The following DLG2 variants were observed in gnomAD, a reference collection of about 807,000 sequenced individuals.
The protein encoded by DLG2 is discs large MAGUK scaffold protein 2, also known as disks large homolog 2.
DLG2 carries 45 observed loss-of-function variants against 132.5 expected under a neutral mutation model. The observed-to-expected ratio is 0.34, with a 90% CI of 0.27 to 0.44. The LOEUF is 0.44. DLG2 is among the 20% of genes least tolerant of loss of function. The pLI is 1.00. For synonymous variants in DLG2, 424 were observed against 419.6 expected (o/e 1.01, Z -0.13); for missense variants, 1,045 against 1,196.9 (o/e 0.87, Z 1.87).
chr11:84,046,688 C>G (rs2096249286), intron 11 of DLG2, among the ~76,000 whole-genome samples: 1 of 151,516 alleles, frequency 6.6e-6, no homozygotes, highest in Admixed American at 6.6e-5. Context: ...TGCCTAATAT[C>G]AACCTTTATT....
chr11:85,106,637 A>C (rs1443921227), intron 6 of DLG2, among the ~76,000 whole-genome samples: 3 of 152,000 alleles, frequency 2.0e-5, no homozygotes, highest in Non-Finnish European at 2.9e-5. Flanking sequence ...ATTATGTGCC[A>C]GGTGCTATGT....
At chr11:83,854,957 C>G (rs1009017564) in intron 16 of DLG2, among the ~76,000 whole-genome samples, 7 of 152,012 alleles carry the variant, frequency 4.6e-5, no homozygotes, top group African/African-American at 1.4e-4. Flanking sequence ...ACTCCTAAAA[C>G]TCAACAAACA....
chr11:84,987,169 C>T (rs550389061), intron 6 of DLG2, among the ~76,000 whole-genome samples: 32 of 151,936 alleles, frequency 2.1e-4, no homozygotes, highest in Non-Finnish European at 4.0e-4. Context: ...ACAATAGCTG[C>T]GAAAAATTAA....
intron 2 of DLG2, among the ~76,000 whole-genome samples, chr11:85,620,169 A>G (rs1365679466): frequency 1.3e-5 from 2 of 152,196 alleles, no homozygotes; most frequent in African/African-American, 4.8e-5. Context: ...TGTTACAGTG[A>G]TCTGTAATCA....
At chr11:85,518,445 A>G (rs1055241695) in intron 3 of DLG2, among the ~76,000 whole-genome samples, 2 of 152,172 alleles carry the variant, frequency 1.3e-5, no homozygotes, top group African/African-American at 4.8e-5. Context: ...GATTTGTAGA[A>G]CTTTCAACTT....
At chr11:84,893,498 C>T (rs552571161) in intron 6 of DLG2, among the ~76,000 whole-genome samples, 1 of 152,208 alleles carries the variant, frequency 6.6e-6, no homozygotes, top group African/African-American at 2.4e-5. Context: ...CGAGGTGGTT[C>T]TTAGCCCAGG....
At chr11:85,175,049 C>G (rs2079128389) in intron 4 of DLG2, among the ~76,000 whole-genome samples, 1 of 152,114 alleles carries the variant, frequency 6.6e-6, no homozygotes, top group African/African-American at 2.4e-5. Context: ...CAAAGAAAAT[C>G]TGGTACCATT....
intron 18 of DLG2, among the ~76,000 whole-genome samples, chr11:83,732,434 G>T (rs2091190562): frequency 6.6e-6 from 1 of 152,034 alleles, no homozygotes; most frequent in Non-Finnish European, 1.5e-5. Flanking sequence ...GTTTTATATG[G>T]AACCAAAATA....
intron 18 of DLG2, among the ~76,000 whole-genome samples, chr11:83,642,808 A>G (rs919346577): frequency 2.0e-5 from 3 of 152,148 alleles, no homozygotes; most frequent in Admixed American, 2.0e-4. Flanking sequence ...ATTGATTTTT[A>G]GTGTGGATTT....
At chr11:85,255,356 C>T (rs1021335145) in intron 4 of DLG2, among the ~76,000 whole-genome samples, 30 of 152,204 alleles carry the variant, frequency 2.0e-4, no homozygotes, top group Middle Eastern at 3.4e-3. Context: ...CACAAACATA[C>T]GCATGGATAT....
In DLG2 at chr11:83,930,527, T is replaced by C. The variant is rs760259329; in HGVS notation, c.1341-44A>G. 13 of 1,580,682 alleles carry C rather than the reference T, an allele frequency of 8.2e-6. No individual in the cohort carries two copies. In the African/African-American group the frequency reaches 9.4e-5, roughly 11 times the overall value. On this transcript the variant is annotated intron_variant, in intron 14 of 27. Transcript: ENST00000376104. ...GAGAAAGATATGCATGGTTAGTACA[T>C]ACAAGGAACACCTGTGCAACCAGTA...
chr11:84,325,030 C>A (rs1274233185), intron 7 of DLG2, among the ~76,000 whole-genome samples: 2 of 152,084 alleles, frequency 1.3e-5, no homozygotes, highest in Admixed American at 1.3e-4. Flanking sequence ...CCTACCTACT[C>A]TGGCTGTTAC....
chr11:85,050,977 C>A (rs1012072850), intron 6 of DLG2, among the ~76,000 whole-genome samples: 45 of 152,110 alleles, frequency 3.0e-4, no homozygotes, highest in Admixed American at 8.5e-4. Flanking sequence ...CTAGTGGCAT[C>A]ATTAATGCCA....
chr11:85,415,680 T>A (rs138703821), intron 3 of DLG2, among the ~76,000 whole-genome samples: 23 of 152,292 alleles, frequency 1.5e-4, no homozygotes, highest in African/African-American at 4.8e-4. Flanking sequence ...TCTGTTCATA[T>A]CCTTTGCCCA....
chr11:84,176,717 T>C (rs1211994476), intron 8 of DLG2, among the ~76,000 whole-genome samples: 1 of 152,042 alleles, frequency 6.6e-6, no homozygotes, highest in Non-Finnish European at 1.5e-5. Context: ...ATTCTATCTC[T>C]AGAAGTCTCA....
chr11:84,626,860 T>TTATTTTA (rs1259797495), intron 6 of DLG2, among the ~76,000 whole-genome samples: 1 of 145,222 alleles, frequency 6.9e-6, no homozygotes, highest in Non-Finnish European at 1.5e-5. Context: ...TTTTATTTTA[T>TTATTTTA]TTTATTTTAT....
At chr11:84,674,638 G>C (rs12287491) in intron 6 of DLG2, among the ~76,000 whole-genome samples, 7,223 of 152,118 alleles carry the variant, frequency 0.047, 600 homozygotes, top group African/African-American at 0.16. Flanking sequence ...CACTTTAGTT[G>C]AGTATACAAG....
chr11:84,113,468 G>T (rs1295403077), intron 9 of DLG2, among the ~76,000 whole-genome samples: 17 of 152,172 alleles, frequency 1.1e-4, no homozygotes. Flanking sequence ...AATAAAGTGA[G>T]ATTGTTGTTT....
intron 12 of DLG2, among the ~76,000 whole-genome samples, chr11:83,980,069 C>T (rs2092646893): frequency 6.6e-6 from 1 of 152,106 alleles, no homozygotes; most frequent in Non-Finnish European, 1.5e-5. Context: ...TTGTGGACCC[C>T]TCACAAAATC....
Sources: allele counts gnomAD v4.1 joint callset (sites outside exome capture counted in the v4.1 genomes callset), GRCh38; gene constraint gnomAD v4.1.1; transcripts MANE v1.5; gene names NCBI Gene and HGNC (gene_info 2026-07-23, HGNC 2026-07-21).